TRMT13: variants seen among roughly 807,000 people sequenced by gnomAD.
TRMT13 encodes the protein tRNA:m(4)X modification enzyme TRM13 homolog.
TRMT13 carries 45 observed loss-of-function variants against 55.9 expected under a neutral mutation model. That is an observed-to-expected ratio of 0.80 (90% CI 0.63 to 1.03). TRMT13 has a LOEUF of 1.03. TRMT13 is among the 50% of genes least tolerant of loss of function. The probability of loss-of-function intolerance (pLI) is 0.00; values close to 1 mark genes in which losing one functional copy is unlikely to be tolerated. For synonymous variants in TRMT13, 183 were observed against 196.3 expected (o/e 0.93, Z 0.57); for missense variants, 513 against 563.9 (o/e 0.91, Z 0.91).
chr1:100,143,989 C>A, intron 8 of TRMT13, 80 bp from the exon 9 acceptor site: 1 of 1,201,386 alleles, frequency 8.3e-7, no homozygotes, highest in Non-Finnish European at 1.2e-6. Context: ...TTCAGAGACT[C>A]TAATTAGTTC....
Position 100,136,082 on chromosome 1 carries a change from A to G in TRMT13, c.148-800A>G, listed in dbSNP as rs1469286170. 5.3e-5 allele frequency among the ~76,000 whole-genome samples: 8 copies of G among 152,188 alleles called. 1 individual carries two copies. The highest frequency in any genetic ancestry group is 4.6e-4 in the Admixed American group (7 of 15,278). ...TAGGTTTGTGTTACTATACTGTATGATGTTCTCCCAATGACAAAATCACCT... is the reference window on the plus strand; with the variant it reads ...TAGGTTTGTGTTACTATACTGTATGGTGTTCTCCCAATGACAAAATCACCT... On this transcript the variant is annotated intron_variant, in intron 1 of 10. Transcript: ENST00000370141.
chr1:100,143,080 C>A, intron 7 of TRMT13, 57 bp from the exon 8 acceptor site: 1 of 1,188,356 alleles, frequency 8.4e-7, no homozygotes, highest in Non-Finnish European at 1.2e-6. Context: ...TTTTTATTTT[C>A]ATAAAGCTTT....
intron 9 of TRMT13, 31 bp downstream of exon 9, chr1:100,144,174 A>G (rs752781246): frequency 6.3e-7 from 1 of 1,582,684 alleles, no homozygotes; most frequent in Admixed American, 1.7e-5. Context: ...TGTTTACATT[A>G]ATGCATTAAG....
At chr1:100,148,473 G>T in intron 10 of TRMT13, 147 bp downstream of exon 10, 1 of 1,071,046 alleles carries the variant, frequency 9.3e-7, no homozygotes, top group Non-Finnish European at 1.3e-6. Flanking sequence ...TTTTATTGTG[G>T]TCATAAATAT....
rs1272561780 is a variant in TRMT13, at chr1:100,148,241, A to C, written c.1165A>C (p.Arg389=). Residue 389 remains arginine, a synonymous_variant, in exon 10 of 11, where the codon AGG becomes CGG. Transcript: ENST00000370141. ...SLETSNSTTK[R]QDNQNDDSEE... ...GGAAACCTCAAATAGTACCACAAAG[A>C]GGCAAGATAATCAGAATGATGATAG... 6.2e-6 allele frequency: 10 copies of C among 1,614,188 alleles called. No individual in the cohort carries two copies. The highest frequency in any genetic ancestry group is 8.5e-6 in the Non-Finnish European group (10 of 1,180,028).
intron 7 of TRMT13, among the ~76,000 whole-genome samples, chr1:100,142,462 T>C (rs757559180): frequency 2.5e-4 from 38 of 152,100 alleles, no homozygotes; most frequent in Non-Finnish European, 5.3e-4. Flanking sequence ...TATTAAGATG[T>C]TGGAAGCCAC....
rs1323165835 is a variant in TRMT13 at position 100,137,066 on chromosome 1, CAA to C, written c.243_244del (p.Lys84ThrfsTer4). 7 of 1,612,076 alleles carry C rather than the reference CAA, an allele frequency of 4.3e-6. No homozygotes were observed. The highest frequency in any genetic ancestry group is 1.3e-5 in the African/African-American group (1 of 74,774). On this transcript the variant is annotated frameshift_variant, in exon 3 of 11. Transcript: ENST00000370141. LOFTEE classifies it high-confidence loss of function. ...GCAAAGCATTTGAAAAAATGTAACT[CAA>C]GAGAGAAACCAAAACCTGTAAGTGT... is the stretch of plus-strand genomic sequence containing the variant.
intron 9 of TRMT13, among the ~76,000 whole-genome samples, chr1:100,147,423 T>C (rs1486065090): frequency 2.0e-5 from 3 of 152,238 alleles, no homozygotes; most frequent in African/African-American, 2.4e-5. Context: ...CACTATTTGC[T>C]ATGAGCCTCT....
At position 100,135,349 on chromosome 1, in the gene TRMT13, ATTTTCT is replaced by A. The variant is rs535638476; in HGVS notation, c.148-1525_148-1520del. ...CAATAAGGAAGAAATTATATACAGT[ATTTTCT>A]TTTTCTTCTATTGAATATATAGTAT... On this transcript the variant is annotated intron_variant, in intron 1 of 10. Coordinates refer to ENST00000370141, the MANE Select transcript of TRMT13 (RefSeq NM_019083.3). Among the ~76,000 whole-genome samples, 57 of 152,074 alleles carry A rather than the reference ATTTTCT, an allele frequency of 3.7e-4. No homozygotes were observed. In the South Asian group the frequency reaches 0.011, roughly 30 times the overall value.
chr1:100,139,429 A>G (rs1328867717), intron 3 of TRMT13, among the ~76,000 whole-genome samples: 1 of 152,138 alleles, frequency 6.6e-6, no homozygotes, highest in Non-Finnish European at 1.5e-5. Context: ...ACGAACACAT[A>G]TTTTTGTCAC....
At chr1:100,145,882 C>G (rs1557914037) in intron 9 of TRMT13, among the ~76,000 whole-genome samples, 1 of 152,208 alleles carries the variant, frequency 6.6e-6, no homozygotes. Context: ...ATCGGTCAAT[C>G]AATCTCAGAC....
chr1:100,146,982 A>C (rs1167079718), intron 9 of TRMT13, among the ~76,000 whole-genome samples: 1 of 152,220 alleles, frequency 6.6e-6, no homozygotes, highest in African/African-American at 2.4e-5. Flanking sequence ...TATTGAATTA[A>C]ATTTACTAGT....
At position 100,149,066 on chromosome 1, in the gene TRMT13, TGGTAAAGTAG is replaced by T. The variant is rs1557918419; in HGVS notation, c.*247_*256del. On this transcript the variant is annotated 3_prime_UTR_variant, in exon 11 of 11. Transcript: ENST00000370141. ...ATTATCCATCCGTATTTATGGAGAT[TGGTAAAGTAG>T]TTGAACCGTTGACTTGGTGATCTGA... 7 of 1,601,674 alleles carry T rather than the reference TGGTAAAGTAG, an allele frequency of 4.4e-6. No individual in the cohort carries two copies.
At chr1:100,147,656 T>C (rs1316890814) in intron 9 of TRMT13, among the ~76,000 whole-genome samples, 1 of 152,222 alleles carries the variant, frequency 6.6e-6, no homozygotes, top group Admixed American at 6.5e-5. Context: ...AAGCTTCAGA[T>C]AGCTTTATTG....
rs1656825867 is a variant in TRMT13 at position 100,143,147 on chromosome 1, A to G, written c.680A>G (p.Lys227Arg). Residue 227 changes from lysine to arginine, a missense_variant, in exon 8 of 11, where the codon AAA becomes AGA. Transcript: ENST00000370141. The part of the protein sequence containing the change: ...KVTTRFKVDG[K>R]HRKKNSVFER... Reference sequence around the variant, plus strand: ...GTTCTGTTTGTGCAGGTGGATGGAAAACACAGAAAGAAAAATTCAGTGTTT... The same window carrying G: ...GTTCTGTTTGTGCAGGTGGATGGAAGACACAGAAAGAAAAATTCAGTGTTT... 2 of 1,608,770 alleles carry G rather than the reference A, an allele frequency of 1.2e-6. No individual in the cohort carries two copies. The highest frequency in any genetic ancestry group is 1.7e-6 in the Non-Finnish European group (2 of 1,176,302).
At chr1:100,142,088 TTACGTC>T (rs1339915834) in intron 7 of TRMT13, among the ~76,000 whole-genome samples, 4 of 152,332 alleles carry the variant, frequency 2.6e-5, no homozygotes, top group Non-Finnish European at 5.9e-5. Context: ...TTGAGGAAGC[TTACGTC>T]TAGTGGAGTA....
At chr1:100,137,720 C>T (rs1197466824) in intron 3 of TRMT13, among the ~76,000 whole-genome samples, 1 of 152,106 alleles carries the variant, frequency 6.6e-6, no homozygotes, top group African/African-American at 2.4e-5. Flanking sequence ...CATAGAAAAT[C>T]GAGACTTATG....
intron 7 of TRMT13, among the ~76,000 whole-genome samples, chr1:100,142,576 G>A (rs1404138103): frequency 1.3e-5 from 2 of 152,110 alleles, no homozygotes; most frequent in African/African-American, 4.8e-5. Flanking sequence ...CCTGAGATAA[G>A]GAATGAAGGA....
In TRMT13 at chr1:100,149,560, G is replaced by A; in HGVS notation, c.*740G>A. On this transcript the variant is annotated 3_prime_UTR_variant, in exon 11 of 11. Coordinates refer to ENST00000370141, the MANE Select transcript of TRMT13 (RefSeq NM_019083.3). ...TTGAAATAATTTCTGAAGTTGATTA[G>A]CTATCTCATATCTTTTATCAGGTCA... 1 of 874,804 alleles carries A rather than the reference G, an allele frequency of 1.1e-6. No individual in the cohort carries two copies. The highest frequency in any genetic ancestry group is 1.7e-6 in the Non-Finnish European group (1 of 590,194). 54.2% of individuals were successfully genotyped at this position (874,804 alleles called of 1,614,324 possible). A position where few individuals can be genotyped will look rare whatever the true frequency, so the allele number is the denominator to read the frequency against.
Sources: allele counts gnomAD v4.1 joint callset (sites outside exome capture counted in the v4.1 genomes callset), GRCh38; gene constraint gnomAD v4.1.1; transcripts MANE v1.5; gene names NCBI Gene and HGNC (gene_info 2026-07-23, HGNC 2026-07-21).